The following KLHL4 variants were observed in gnomAD, a reference collection of about 807,000 sequenced individuals.
KLHL4 encodes kelch-like protein 4.
KLHL4 carries 17 observed loss-of-function variants against 45.8 expected under a neutral mutation model. The observed-to-expected ratio is 0.37, with a 90% CI of 0.25 to 0.56. The LOEUF is 0.56. KLHL4 is among the 20% of genes least tolerant of loss of function. KLHL4 has a pLI of 0.79. For synonymous variants in KLHL4, 224 were observed against 189.9 expected, an observed-to-expected ratio of 1.18 and a Z score of -1.47; for missense variants, 544 against 544.9, an observed-to-expected ratio of 1.00 and a Z score of 0.02.
intron 4 of KLHL4, among the ~76,000 whole-genome samples, chrX:87,618,523 A>T (rs1425360505): frequency 8.9e-6 from 1 of 112,000 alleles, no homozygotes; most frequent in Non-Finnish European, 1.9e-5. Flanking sequence ...TTAATGGGTC[A>T]ATAATTGTCA....
At chrX:87,649,980 T>C (rs1309911462) in intron 9 of KLHL4, among the ~76,000 whole-genome samples, 1 of 111,273 alleles carries the variant, frequency 9.0e-6, no homozygotes, top group Non-Finnish European at 1.9e-5. Context: ...TTCTAGATTG[T>C]TTTTGCTACT....
At chrX:87,622,995 G>T (rs1361008134) in intron 5 of KLHL4, among the ~76,000 whole-genome samples, 1 of 111,724 alleles carries the variant, frequency 9.0e-6, no homozygotes, top group African/African-American at 3.2e-5. Flanking sequence ...ATTTTGGAAT[G>T]CAGTCTCACC....
intron 1 of KLHL4, among the ~76,000 whole-genome samples, chrX:87,605,113 T>G (rs1223953970): frequency 9.0e-6 from 1 of 111,644 alleles, no homozygotes; most frequent in Non-Finnish European, 1.9e-5. Context: ...TTCTGTTCCG[T>G]TATTCCTTGT....
intron 1 of KLHL4, among the ~76,000 whole-genome samples, chrX:87,581,617 G>A (rs1921282592): frequency 8.9e-6 from 1 of 112,404 alleles, no homozygotes; most frequent in South Asian, 3.6e-4. Flanking sequence ...ACTGCGGACT[G>A]CAGCAGCCCT....
intron 1 of KLHL4, among the ~76,000 whole-genome samples, chrX:87,542,840 A>T (rs750409015): frequency 9.0e-6 from 1 of 111,720 alleles, no homozygotes; most frequent in Non-Finnish European, 1.9e-5. Flanking sequence ...TGGTTTTGAA[A>T]TGTGAAAAGG....
intron 1 of KLHL4, among the ~76,000 whole-genome samples, chrX:87,561,474 G>A (rs1434599597): frequency 1.8e-5 from 2 of 111,762 alleles, no homozygotes; most frequent in Admixed American, 1.9e-4. Context: ...CATAGAGGGA[G>A]CACTTAAACA....
intron 1 of KLHL4, among the ~76,000 whole-genome samples, chrX:87,596,812 A>T (rs1023297125): frequency 1.8e-5 from 2 of 112,530 alleles, no homozygotes; most frequent in African/African-American, 6.5e-5. Flanking sequence ...CTCTTGGGCA[A>T]CCATCCAAAT....
At position 87,641,909 on chromosome X, in the gene KLHL4, C is replaced by T. The variant is rs1159431529; in HGVS notation, c.1925+6134C>T. 4.6e-5 allele frequency among the ~76,000 whole-genome samples: 5 copies of T among 109,835 alleles called. 1 individual carries two copies. The East Asian group carries it at 1.5e-3, about 32-fold the overall frequency. ...AAGACCCACCCAAGGAATGTCTGAG[C>T]TCAGACATGCCTAGCCCCACCCCCA... On this transcript the variant is annotated intron_variant, in intron 9 of 10. Transcript: ENST00000373119.
At chrX:87,650,776 T>C (rs1366403778) in intron 9 of KLHL4, among the ~76,000 whole-genome samples, 1 of 111,765 alleles carries the variant, frequency 8.9e-6, no homozygotes, top group Non-Finnish European at 1.9e-5. Flanking sequence ...TACCTGAGAC[T>C]GGGAAGAAAA....
At chrX:87,584,543 C>A (rs1201652250) in intron 1 of KLHL4, among the ~76,000 whole-genome samples, 1 of 111,408 alleles carries the variant, frequency 9.0e-6, no homozygotes, top group African/African-American at 3.3e-5. Flanking sequence ...AGGAAGAAAT[C>A]CTGGAGCATA....
At chrX:87,616,553 C>A (rs964296714) in intron 3 of KLHL4, among the ~76,000 whole-genome samples, 1 of 111,442 alleles carries the variant, frequency 9.0e-6, no homozygotes, top group Non-Finnish European at 1.9e-5. Context: ...CTTGACTATC[C>A]TTTTACTCTT....
chrX:87,582,603 G>A (rs1165644347), intron 1 of KLHL4, among the ~76,000 whole-genome samples: 2 of 112,093 alleles, frequency 1.8e-5, no homozygotes, highest in African/African-American at 3.3e-5. Flanking sequence ...AAATTTGAAA[G>A]GCAGTCTAGA....
intron 1 of KLHL4, among the ~76,000 whole-genome samples, chrX:87,587,304 A>C (rs746217142): frequency 3.6e-5 from 4 of 110,959 alleles, no homozygotes; most frequent in Non-Finnish European, 7.6e-5. Context: ...TTAGGCCAGT[A>C]TTATCCTGAT....
chrX:87,528,781 T>TGG (rs1354438534), intron 1 of KLHL4, among the ~76,000 whole-genome samples: 4 of 104,514 alleles, frequency 3.8e-5, no homozygotes, highest in Non-Finnish European at 7.8e-5. Context: ...GAAAACCTGT[T>TGG]TAACGAAGTA....
intron 6 of KLHL4, among the ~76,000 whole-genome samples, chrX:87,626,108 G>C (rs1313954044): frequency 8.9e-6 from 1 of 111,956 alleles, no homozygotes; most frequent in African/African-American, 3.2e-5. Context: ...AAGTATGTGA[G>C]ACAGGTCTCA....
intron 4 of KLHL4, among the ~76,000 whole-genome samples, chrX:87,619,507 A>T (rs1922677695): frequency 9.0e-6 from 1 of 111,467 alleles, no homozygotes; most frequent in African/African-American, 3.3e-5. Context: ...CTGCGTCCTA[A>T]ATACAGATGC....
At chrX:87,659,158 C>T (rs1305089743) in intron 9 of KLHL4, among the ~76,000 whole-genome samples, 1 of 87,002 alleles carries the variant, frequency 1.1e-5, no homozygotes, top group Non-Finnish European at 2.1e-5. Context: ...CTCACTCTGT[C>T]GCCCAGGCTG....
intron 1 of KLHL4, among the ~76,000 whole-genome samples, chrX:87,571,766 C>A (rs1209397308): frequency 1.8e-5 from 2 of 110,842 alleles, no homozygotes; most frequent in African/African-American, 6.5e-5. Flanking sequence ...CATTTATTTT[C>A]TCAGAAAAGT....
intron 1 of KLHL4, among the ~76,000 whole-genome samples, chrX:87,561,653 AG>A (rs1932101236): frequency 9.0e-6 from 1 of 111,064 alleles, no homozygotes; most frequent in African/African-American, 3.3e-5. Context: ...GATGCAACCC[AG>A]TGAGATCTGG....
Sources: gnomAD v4.1 joint callset for allele counts (sites outside exome capture counted in the v4.1 genomes callset) on GRCh38, gnomAD v4.1.1 for gene constraint, MANE v1.5 for transcripts, NCBI Gene and HGNC (gene_info 2026-07-23, HGNC 2026-07-21) for gene names.